Variants in ADGRL3 observed in about 807,000 individuals in gnomAD.
The protein encoded by ADGRL3 is calcium-independent alpha-latrotoxin receptor 3.
In ADGRL3, 62 loss-of-function variants were observed where a neutral mutation model predicts 153.5. The observed-to-expected ratio is 0.40, with a 90% confidence interval of 0.33 to 0.50. ADGRL3 has a LOEUF of 0.50. ADGRL3 is among the 20% of genes least tolerant of loss of function. ADGRL3 has a pLI of 0.47. For missense variants in ADGRL3, 1,641 were observed against 1,859.4 expected (o/e 0.88, Z 2.16); for synonymous variants, 710 against 672.5 (o/e 1.06, Z -0.86).
At chr4:61,259,596 T>C (rs1195313667) in intron 1 of ADGRL3, among the ~76,000 whole-genome samples, 1 of 152,136 alleles carries the variant, frequency 6.6e-6, no homozygotes, top group African/African-American at 2.4e-5. Flanking sequence ...TCGTAGTGTT[T>C]ATATTGCATG....
chr4:62,032,482 GTTAA>G (rs1305083413), intron 23 of ADGRL3, among the ~76,000 whole-genome samples: 1 of 151,392 alleles, frequency 6.6e-6, no homozygotes, highest in Non-Finnish European at 1.5e-5. Flanking sequence ...CTTTCGGCAA[GTTAA>G]TTAACCTCCC....
At chr4:61,970,952 A>G (rs1172833930) in intron 17 of ADGRL3, among the ~76,000 whole-genome samples, 1 of 152,018 alleles carries the variant, frequency 6.6e-6, no homozygotes, top group Admixed American at 6.6e-5. Flanking sequence ...CGTTTATCCG[A>G]AAATAGGCTT....
intron 2 of ADGRL3, among the ~76,000 whole-genome samples, chr4:61,383,591 A>C (rs2096699600): frequency 6.6e-6 from 1 of 151,794 alleles, no homozygotes; most frequent in Non-Finnish European, 1.5e-5. Flanking sequence ...CATGTACACT[A>C]ACACAATGTG....
At chr4:61,949,884 T>C (rs1435458626) in intron 17 of ADGRL3, among the ~76,000 whole-genome samples, 1 of 152,220 alleles carries the variant, frequency 6.6e-6, no homozygotes, top group Non-Finnish European at 1.5e-5. Context: ...TTCAACACTT[T>C]ATGCGAAAGT....
At chr4:61,289,694 G>A (rs2094096129) in intron 1 of ADGRL3, among the ~76,000 whole-genome samples, 2 of 151,914 alleles carry the variant, frequency 1.3e-5, no homozygotes, top group Admixed American at 6.6e-5. Context: ...TTTTCTACAT[G>A]ATTACTTTAT....
At chr4:62,022,917 G>A in intron 21 of ADGRL3, among the ~76,000 whole-genome samples, 1 of 152,012 alleles carries the variant, frequency 6.6e-6, no homozygotes, top group East Asian at 1.9e-4. Context: ...CCTCCATTCT[G>A]CAGCCCATGG....
At chr4:61,893,503 A>G (rs1400746361) in intron 10 of ADGRL3, among the ~76,000 whole-genome samples, 5 of 152,038 alleles carry the variant, frequency 3.3e-5, no homozygotes, top group Non-Finnish European at 7.4e-5. Context: ...GAAGATTATC[A>G]TGGAAATGAC....
intron 2 of ADGRL3, among the ~76,000 whole-genome samples, chr4:61,411,064 AGT>A (rs1351072673): frequency 6.6e-6 from 1 of 152,186 alleles, no homozygotes; most frequent in Non-Finnish European, 1.5e-5. Context: ...TGAAACCCCA[AGT>A]GTTGATTTTT....
At chr4:61,427,720 G>T (rs1241045018) in intron 2 of ADGRL3, 1 of 152,856 alleles carries the variant, frequency 6.5e-6, no homozygotes, top group Non-Finnish European at 1.5e-5. Context: ...GGGATGGCTG[G>T]CCCAGGCCCA....
intron 2 of ADGRL3, among the ~76,000 whole-genome samples, chr4:61,401,378 A>G (rs946074285): frequency 3.3e-5 from 5 of 151,958 alleles, no homozygotes; most frequent in Non-Finnish European, 7.4e-5. Context: ...CCCAGAGATA[A>G]TAATCATTAA....
chr4:61,957,051 AGTT>A (rs1560428683), intron 17 of ADGRL3, among the ~76,000 whole-genome samples: 1 of 152,092 alleles, frequency 6.6e-6, no homozygotes, highest in Non-Finnish European at 1.5e-5. Flanking sequence ...AATTCAAAGT[AGTT>A]TTTTCTAATT....
intron 1 of ADGRL3, among the ~76,000 whole-genome samples, chr4:61,247,718 C>T (rs1314836318): frequency 3.3e-5 from 5 of 151,938 alleles, no homozygotes; most frequent in African/African-American, 1.2e-4. Flanking sequence ...ATATGATTGC[C>T]TTTTCCTACC....
At position 61,601,416 on chromosome 4, in the gene ADGRL3, T is replaced by C. The variant is rs571015606; in HGVS notation, c.473+13976T>C. Among the ~76,000 whole-genome samples the C allele has an allele frequency of 8.9e-4, 136 of 152,310 alleles. 1 individual carries two copies. The highest frequency in any genetic ancestry group is 3.2e-3 in the African/African-American group (133 of 41,590). On this transcript the variant is annotated intron_variant, in intron 5 of 26. Transcript: ENST00000683033. ...AATATGTCATTTCCTAATCAATTTATGTCAATTAAACACAATTTTAAAAAT... is the reference window on the plus strand; with the variant it reads ...AATATGTCATTTCCTAATCAATTTACGTCAATTAAACACAATTTTAAAAAT...
At chr4:61,860,684 T>A (rs1183661253) in intron 9 of ADGRL3, among the ~76,000 whole-genome samples, 1 of 152,174 alleles carries the variant, frequency 6.6e-6, no homozygotes, top group Admixed American at 6.5e-5. Context: ...CTCATTCCAG[T>A]GCAGTCATAT....
Position 61,537,422 on chromosome 4 carries a change from C to T in ADGRL3, c.259+19904C>T, listed in dbSNP as rs545043415. 4.3e-4 allele frequency among the ~76,000 whole-genome samples: 65 copies of T among 152,186 alleles called. 1 individual carries two copies. Among genetic ancestry groups the T allele is most frequent in the African/African-American group, 1.5e-3 (61 of 41,538 alleles). The stretch of plus-strand genomic sequence containing the variant: ...TTACTGTATCTGGATATTTACCTCT[C>T]TGGCAAGATTACAGATATTTTCTTC... On this transcript the variant is annotated intron_variant, in intron 4 of 26. Transcript: ENST00000683033.
intron 20 of ADGRL3, among the ~76,000 whole-genome samples, chr4:61,997,650 A>G (rs2099126407): frequency 6.6e-6 from 1 of 152,138 alleles, no homozygotes; most frequent in Non-Finnish European, 1.5e-5. Context: ...TGATATGACA[A>G]TACCATTGGG....
At chr4:61,232,225 G>C (rs775708241) in intron 1 of ADGRL3, among the ~76,000 whole-genome samples, 1 of 151,990 alleles carries the variant, frequency 6.6e-6, no homozygotes, top group Non-Finnish European at 1.5e-5. Flanking sequence ...AACTATCCAA[G>C]TGCTCTGAAG....
chr4:61,776,170 G>T (rs1481209949), intron 8 of ADGRL3, among the ~76,000 whole-genome samples: 1 of 152,086 alleles, frequency 6.6e-6, no homozygotes, highest in Non-Finnish European at 1.5e-5. Context: ...AAAGTGCTGG[G>T]ATTACAGGCG....
chr4:61,591,220 G>T (rs992028498), intron 5 of ADGRL3, among the ~76,000 whole-genome samples: 1 of 152,068 alleles, frequency 6.6e-6, no homozygotes, highest in Non-Finnish European at 1.5e-5. Flanking sequence ...CTCATGTAAT[G>T]ATTTATTTTT....
Sources: allele counts gnomAD v4.1 joint callset (sites outside exome capture counted in the v4.1 genomes callset), GRCh38; gene constraint gnomAD v4.1.1; transcripts MANE v1.5; gene names NCBI Gene and HGNC (gene_info 2026-07-23, HGNC 2026-07-21).